KIRREL3: variants seen among roughly 807,000 people sequenced by gnomAD.
KIRREL3 encodes kin of IRRE-like protein 3.
A neutral mutation model predicts 89.7 loss-of-function variants in KIRREL3; 36 were observed. The observed-to-expected ratio is 0.40, with a 90% CI of 0.31 to 0.53. KIRREL3 has a LOEUF of 0.53. Among genes scored for constraint, KIRREL3 ranks in the 20% least tolerant of loss-of-function variants. The probability of loss-of-function intolerance (pLI) is 0.49; values close to 1 mark genes in which losing one functional copy is unlikely to be tolerated. For missense variants in KIRREL3, 864 were observed against 1,056.6 expected, an observed-to-expected ratio of 0.82 and a Z score of 2.53; for synonymous variants, 445 against 441.4, an observed-to-expected ratio of 1.01 and a Z score of -0.10.
intron 4 of KIRREL3, among the ~76,000 whole-genome samples, chr11:126,480,873 C>G (rs1201997848): frequency 6.6e-6 from 1 of 152,168 alleles, no homozygotes; most frequent in African/African-American, 2.4e-5. Flanking sequence ...GGTTCTGGGC[C>G]GCGTGTAATC....
At chr11:126,741,296 C>A (rs1592057038) in intron 1 of KIRREL3, among the ~76,000 whole-genome samples, 1 of 152,158 alleles carries the variant, frequency 6.6e-6, no homozygotes, top group Non-Finnish European at 1.5e-5. Flanking sequence ...TATTAATATG[C>A]ATATAATTTT....
rs984628021 is a variant in KIRREL3 at position 126,620,358 on chromosome 11, T to C, written c.56-57446A>G. Reference sequence around the variant, plus strand: ...GTCCTTATTAACATGTGGCATCCAGTACCAAACACTCTTTCACCAGCCCAG... The same window carrying C: ...GTCCTTATTAACATGTGGCATCCAGCACCAAACACTCTTTCACCAGCCCAG... On this transcript the variant is annotated intron_variant, in intron 1 of 16. Coordinates refer to ENST00000525144, the MANE Select transcript of KIRREL3 (RefSeq NM_032531.4). This position sits in a 1 kb window ranked among gnomAD's most constrained non-coding sequence, Gnocchi z 4.8. Among the ~76,000 whole-genome samples, 2 of 152,194 alleles carry C rather than the reference T, an allele frequency of 1.3e-5. No individual in the cohort carries two copies. Among genetic ancestry groups the C allele is most frequent in the African/African-American group, 4.8e-5 (2 of 41,440 alleles).
chr11:126,947,874 C>T (rs1251260410), intron 1 of KIRREL3, among the ~76,000 whole-genome samples: 2 of 152,190 alleles, frequency 1.3e-5, no homozygotes, highest in African/African-American at 4.8e-5. Context: ...AAATAGGTAG[C>T]TCTCAGAATC....
upstream of KIRREL3, among the ~76,000 whole-genome samples, chr11:127,001,527 A>G (rs1950314909): frequency 6.6e-6 from 1 of 152,112 alleles, no homozygotes; most frequent in South Asian, 2.1e-4. Context: ...TGAGCGCTCC[A>G]TCACTCTGAG....
At chr11:126,743,892 G>T (rs1949058071) in intron 1 of KIRREL3, among the ~76,000 whole-genome samples, 1 of 152,232 alleles carries the variant, frequency 6.6e-6, no homozygotes, top group Non-Finnish European at 1.5e-5. Context: ...GAGTGTGTGT[G>T]AGACCCACAG....
chr11:126,616,717 C>T (rs1943367666), intron 1 of KIRREL3, among the ~76,000 whole-genome samples: 2 of 152,226 alleles, frequency 1.3e-5, no homozygotes, highest in South Asian at 4.1e-4. Context: ...TCATGGCTCA[C>T]TCCAGCATTG....
In KIRREL3 at chr11:126,860,165, C is replaced by T. The variant is rs1269120282; in HGVS notation, c.55+140290G>A. On this transcript the variant is annotated intron_variant, in intron 1 of 16. Coordinates refer to ENST00000525144, the MANE Select transcript of KIRREL3 (RefSeq NM_032531.4). This position sits in a 1 kb window ranked among gnomAD's most constrained non-coding sequence, Gnocchi z 4.6. ...GATATTGGAATTAATTTCAATACAA[C>T]AAACAGGTAACGAGCATTTGTGATG... Among the ~76,000 whole-genome samples the T allele has an allele frequency of 6.6e-6, 1 of 152,102 alleles. No individual in the cohort carries two copies. The highest frequency in any genetic ancestry group is 1.9e-4 in the East Asian group (1 of 5,188).
At chr11:126,621,612 G>C (rs1943577448) in intron 1 of KIRREL3, among the ~76,000 whole-genome samples, 1 of 152,106 alleles carries the variant, frequency 6.6e-6, no homozygotes. Context: ...CATCTTGGTT[G>C]AATCCTAATG....
chr11:126,560,593 G>C (rs1304664821), intron 2 of KIRREL3, among the ~76,000 whole-genome samples: 1 of 152,186 alleles, frequency 6.6e-6, no homozygotes, highest in East Asian at 1.9e-4. Flanking sequence ...GGAGTGGAGA[G>C]AGAAGAAAAT....
At chr11:126,702,819 G>A (rs1291615114) in intron 1 of KIRREL3, among the ~76,000 whole-genome samples, 2 of 152,190 alleles carry the variant, frequency 1.3e-5, no homozygotes, top group African/African-American at 4.8e-5. Flanking sequence ...TCTGAGGCCT[G>A]TGGTCCCCTG....
chr11:126,675,562 G>T (rs1946151139), intron 1 of KIRREL3, among the ~76,000 whole-genome samples: 1 of 152,130 alleles, frequency 6.6e-6, no homozygotes, highest in Admixed American at 6.5e-5. Context: ...TGGGGATCTG[G>T]GGGTGGTGGA....
At chr11:126,629,141 A>G (rs1377903723) in intron 1 of KIRREL3, among the ~76,000 whole-genome samples, 2 of 152,098 alleles carry the variant, frequency 1.3e-5, no homozygotes. Context: ...GCCTGTGCAA[A>G]AAATGTGCGT....
At chr11:126,503,644 T>C (rs117546691) in intron 4 of KIRREL3, among the ~76,000 whole-genome samples, 213 of 152,286 alleles carry the variant, frequency 1.4e-3, no homozygotes, top group South Asian at 3.1e-3. Context: ...ATATTGCAAC[T>C]CTAACCTCCA....
chr11:126,991,637 GA>G lies in KIRREL3; in HGVS notation c.55+8817del, dbSNP rs1950037801. Among the ~76,000 whole-genome samples, 6 of 152,128 alleles carry G rather than the reference GA, an allele frequency of 3.9e-5. No individual in the cohort carries two copies. In the South Asian group the frequency reaches 1.2e-3, roughly 32 times the overall value. On this transcript the variant is annotated intron_variant, in intron 1 of 16. Coordinates refer to ENST00000525144, the MANE Select transcript of KIRREL3 (RefSeq NM_032531.4). This position sits in a 1 kb window ranked among gnomAD's most constrained non-coding sequence, Gnocchi z 5.8. ...CCAGAAAGATAAAGAAACTGACTCA[GA>G]AAGAGTCTGGAATAAAAAAGAAATT...
chr11:126,935,499 G>A (rs1948147124), intron 1 of KIRREL3: 1 of 152,122 alleles, frequency 6.6e-6, no homozygotes, highest in South Asian at 2.1e-4. Context: ...CAGGTGAATG[G>A]AAAAATAACC....
intron 1 of KIRREL3, among the ~76,000 whole-genome samples, chr11:126,725,214 C>A (rs150409082): frequency 6.6e-6 from 1 of 152,154 alleles, no homozygotes; most frequent in African/African-American, 2.4e-5. Flanking sequence ...GAGAGGACAG[C>A]GTGGTGCCTC....
chr11:126,602,023 G>A (rs1312318261), intron 1 of KIRREL3, among the ~76,000 whole-genome samples: 2 of 152,184 alleles, frequency 1.3e-5, no homozygotes, highest in African/African-American at 4.8e-5. Flanking sequence ...GCCTTTTCCC[G>A]TGGCATGATC....
chr11:126,481,987 C>T (rs1195879575), intron 4 of KIRREL3, among the ~76,000 whole-genome samples: 1 of 152,244 alleles, frequency 6.6e-6, no homozygotes, highest in Non-Finnish European at 1.5e-5. Context: ...TAAGAGCCAC[C>T]TGCATTTGTT....
chr11:126,735,016 C>T (rs930315967), intron 1 of KIRREL3, among the ~76,000 whole-genome samples: 6 of 152,250 alleles, frequency 3.9e-5, no homozygotes, highest in Non-Finnish European at 8.8e-5. Flanking sequence ...AGGCTCATAA[C>T]GGGGCGTTTA....
Sources: gnomAD v4.1 joint callset for allele counts (sites outside exome capture counted in the v4.1 genomes callset) on GRCh38, gnomAD v4.1.1 for gene constraint, Gnocchi (gnomAD v3.1) non-coding constraint, MANE v1.5 for transcripts, NCBI Gene and HGNC (gene_info 2026-07-23, HGNC 2026-07-21) for gene names.